Variants in STEAP3 observed in about 807,000 individuals in gnomAD.
STEAP3 encodes metalloreductase STEAP3.
In STEAP3, 35 loss-of-function variants were observed where a neutral mutation model predicts 34.9. The ratio of observed to expected loss-of-function variants is 1.00; its 90% CI spans 0.76 to 1.33. The LOEUF (loss-of-function observed/expected upper bound fraction) is 1.33, where lower values mean the gene tolerates loss of function less well. Among genes scored for constraint, STEAP3 ranks in the 40% most tolerant of loss-of-function variants. The pLI, the probability that STEAP3 is intolerant of heterozygous loss-of-function variation, is 0.00. For synonymous variants in STEAP3, 281 were observed against 301.6 expected (o/e 0.93, Z 0.71); for missense variants, 652 against 667.6 (o/e 0.98, Z 0.26).
At chr2:119,258,821 A>G (rs1187222407) in intron 5 of STEAP3, among the ~76,000 whole-genome samples, 6 of 136,102 alleles carry the variant, frequency 4.4e-5, no homozygotes, top group African/African-American at 1.4e-4. Context: ...ATGGGGTTTC[A>G]CCGTGTTAGG....
rs57477540 is a variant in STEAP3, at chr2:119,241,066, GCA to G, written c.23-4408_23-4407del. 9.6e-3 allele frequency among the ~76,000 whole-genome samples: 1,435 copies of G among 149,700 alleles called. 19 individuals carry two copies. Among genetic ancestry groups the G allele is most frequent in the Admixed American group, 0.027 (400 of 15,094 alleles). ...ACATGCACACAAGAATAGGACACGT[GCA>G]CACACACACACACATGCATACAAGA... is the stretch of plus-strand genomic sequence containing the variant. On this transcript the variant is annotated intron_variant, in intron 2 of 5. Transcript: ENST00000393110.
chr2:119,231,241 C>G (rs1477236423), intron 2 of STEAP3, among the ~76,000 whole-genome samples: 3 of 152,112 alleles, frequency 2.0e-5, no homozygotes, highest in Non-Finnish European at 4.4e-5. Flanking sequence ...TATGTATCAG[C>G]TGCACGTTTT....
At chr2:119,234,497 C>A (rs1361977927) in intron 2 of STEAP3, among the ~76,000 whole-genome samples, 3 of 152,228 alleles carry the variant, frequency 2.0e-5, no homozygotes, top group Non-Finnish European at 4.4e-5. Flanking sequence ...CTCCATAGCG[C>A]CCGGTCATCC....
At chr2:119,257,093 G>C (rs1415169731) in intron 5 of STEAP3, among the ~76,000 whole-genome samples, 1 of 152,124 alleles carries the variant, frequency 6.6e-6, no homozygotes, top group East Asian at 1.9e-4. Flanking sequence ...TTGCAAACTG[G>C]CGGACACTCA....
chr2:119,228,118 C>A (rs1054163353), intron 1 of STEAP3, among the ~76,000 whole-genome samples: 4 of 152,200 alleles, frequency 2.6e-5, no homozygotes, highest in Non-Finnish European at 5.9e-5. Context: ...GTGTGAGTCA[C>A]CACAGCCGGC....
chr2:119,245,862 C>A lies in STEAP3; in HGVS notation c.396C>A (p.His132Gln), dbSNP rs1677405229. 1 of 1,614,048 alleles carries A rather than the reference C, an allele frequency of 6.2e-7. No individual in the cohort carries two copies. The highest frequency in any genetic ancestry group is 1.1e-5 in the South Asian group (1 of 91,084). Residue 132 changes from histidine (H) to glutamine (Q), a missense_variant, in exon 3 of 6, where the codon CAC (histidine) becomes CAA (glutamine). Coordinates refer to ENST00000393110, the MANE Select transcript of STEAP3 (RefSeq NM_182915.3). ...TGAGCAACCCTACAGAGCAAGAGCA[C>A]CTTCAGCATCGTGAGTCCAATGCTG... is the stretch of plus-strand genomic sequence containing the variant. ...VDVSNPTEQE[H>Q]LQHRESNAEY... is the part of the protein sequence containing the mutation.
At chr2:119,225,894 G>C (rs7578870) in intron 1 of STEAP3, among the ~76,000 whole-genome samples, 9,724 of 152,308 alleles carry the variant, frequency 0.064, 423 homozygotes, top group African/African-American at 0.11. Flanking sequence ...GGGGGACTAA[G>C]TGTGTGAAGT....
intron 5 of STEAP3, among the ~76,000 whole-genome samples, chr2:119,258,180 A>T (rs921230625): frequency 6.6e-6 from 1 of 152,296 alleles, no homozygotes; most frequent in Middle Eastern, 3.4e-3. Context: ...GTAAACTGAC[A>T]TGGCGCTAGT....
chr2:119,245,954 C>T lies in STEAP3; in HGVS notation c.488C>T (p.Thr163Ile). ...GCCTTCAATGTCATCTCTGCCTGGA[C>T]CCTGCAGGCTGGCCCAAGGGATGGT... is the stretch of plus-strand genomic sequence containing the variant. ...VKAFNVISAW[T>I]LQAGPRDGNR... Residue 163 changes from threonine (T) to isoleucine (I), a missense_variant, in exon 3 of 6, where the codon ACC (threonine) becomes ATC (isoleucine). Thr to Ile is a moderately conservative substitution (Grantham distance 89, BLOSUM62 -1). Coordinates refer to ENST00000393110, the MANE Select transcript of STEAP3 (RefSeq NM_182915.3). 1 of 1,613,706 alleles carries T rather than the reference C, an allele frequency of 6.2e-7. No homozygotes were observed. Among genetic ancestry groups the T allele is most frequent in the Non-Finnish European group, 8.5e-7 (1 of 1,179,982 alleles).
intron 5 of STEAP3, among the ~76,000 whole-genome samples, chr2:119,261,019 T>G (rs1321496632): frequency 6.6e-6 from 1 of 152,220 alleles, no homozygotes; most frequent in African/African-American, 2.4e-5. Context: ...TGTGAAATTG[T>G]AGTGTGCAGC....
chr2:119,242,720 A>C (rs562125049), intron 2 of STEAP3, among the ~76,000 whole-genome samples: 2 of 152,306 alleles, frequency 1.3e-5, no homozygotes, highest in East Asian at 3.9e-4. Context: ...TTACTCCTAC[A>C]ACCTGCCCAT....
rs1434229457 is a variant in STEAP3 at position 119,248,204 on chromosome 2, C to T, written c.1048C>T (p.Gln350Ter). Residue 350 changes from glutamine to a stop codon, truncating the protein, a stop_gained and splice_region_variant, in exon 4 of 6, where the codon CAG becomes TAG. Transcript: ENST00000393110. LOFTEE classifies it high-confidence loss of function. ...CGACCTGGTCAACCTGGCAGTCAAG[C>T]AGGTACCCACCCCATGCCCTTCCTC... The part of the protein sequence containing the change: ...RYDLVNLAVK[Q>*]VLANKSHLWV... 1.9e-6 allele frequency: 3 copies of T among 1,578,852 alleles called. No individual in the cohort carries two copies. The highest frequency in any genetic ancestry group is 1.7e-6 in the Non-Finnish European group (2 of 1,161,138).
intron 2 of STEAP3, among the ~76,000 whole-genome samples, chr2:119,238,055 A>C (rs552825049): frequency 6.6e-6 from 1 of 152,280 alleles, no homozygotes; most frequent in South Asian, 2.1e-4. Context: ...ATTTTGTTTA[A>C]CCATTCCTCA....
At chr2:119,242,611 G>A (rs561205796) in intron 2 of STEAP3, among the ~76,000 whole-genome samples, 24 of 152,284 alleles carry the variant, frequency 1.6e-4, no homozygotes, top group African/African-American at 5.8e-4. Flanking sequence ...CTTCATTTCT[G>A]TTGGCAGCCA....
In STEAP3 at chr2:119,237,761, T is replaced by C. The variant is rs143985636; in HGVS notation, c.22+6727T>C. On this transcript the variant is annotated intron_variant, in intron 2 of 5. Transcript: ENST00000393110. ...CTTTTTAAATAACCTTACTGAGCTA[T>C]GCCTCACATCACCACGCAATTCACC... 7.8e-3 allele frequency among the ~76,000 whole-genome samples: 1,191 copies of C among 152,364 alleles called. 5 individuals are homozygous for C. Among genetic ancestry groups the C allele is most frequent in the Non-Finnish European group, 0.012 (785 of 68,032 alleles).
At chr2:119,239,913 G>A (rs1034202156) in intron 2 of STEAP3, among the ~76,000 whole-genome samples, 2 of 152,112 alleles carry the variant, frequency 1.3e-5, no homozygotes, top group African/African-American at 2.4e-5. Flanking sequence ...CACATACAAC[G>A]TTATAGGGCA....
rs202117646 is a variant in STEAP3 at position 119,230,964 on chromosome 2, G to C, written c.-49G>C. The C allele has an allele frequency of 5.2e-5, 84 of 1,613,768 alleles. No individual in the cohort carries two copies. The highest frequency in any genetic ancestry group is 6.8e-5 in the Non-Finnish European group (80 of 1,179,792). On this transcript the variant is annotated 5_prime_UTR_variant, in exon 2 of 6. Coordinates refer to ENST00000393110, the MANE Select transcript of STEAP3 (RefSeq NM_182915.3). The stretch of plus-strand genomic sequence containing the variant: ...AGCCAGAAAGGGTGGCTCACCTCAC[G>C]GTGAGGCTGTCGAGTGACCTGAGAG...
intron 4 of STEAP3, among the ~76,000 whole-genome samples, chr2:119,252,424 C>G (rs1573571459): frequency 6.6e-6 from 1 of 152,184 alleles, no homozygotes; most frequent in Non-Finnish European, 1.5e-5. Context: ...GAGTTGGTAC[C>G]ACTCTCTTCC....
At chr2:119,230,236 C>T (rs1161749293) in intron 1 of STEAP3, among the ~76,000 whole-genome samples, 1 of 152,202 alleles carries the variant, frequency 6.6e-6, no homozygotes, top group South Asian at 2.1e-4. Flanking sequence ...CTTTGGGCTG[C>T]CGGTGTGGCC....
Sources: gnomAD v4.1 joint callset for allele counts (sites outside exome capture counted in the v4.1 genomes callset) on GRCh38, gnomAD v4.1.1 for gene constraint, MANE v1.5 for transcripts, NCBI Gene and HGNC (gene_info 2026-07-23, HGNC 2026-07-21) for gene names.